The following IFNGR2 variants were observed in gnomAD, a reference collection of about 807,000 sequenced individuals.
The protein encoded by IFNGR2 is interferon gamma receptor 2.
Under a neutral mutation model 41.1 loss-of-function variants are expected in IFNGR2, and 15 were observed. The ratio of observed to expected loss-of-function variants is 0.37; its 90% CI spans 0.24 to 0.56. The LOEUF (loss-of-function observed/expected upper bound fraction) is 0.56. IFNGR2 is among the 20% of genes least tolerant of loss of function. IFNGR2 has a pLI of 0.81. For missense variants in IFNGR2, 362 were observed against 415.7 expected (o/e 0.87, Z 1.12); for synonymous variants, 161 against 171.6 (o/e 0.94, Z 0.48).
intron 1 of IFNGR2, among the ~76,000 whole-genome samples, chr21:33,411,260 A>C (rs1417955630): frequency 6.6e-6 from 1 of 152,212 alleles, no homozygotes; most frequent in Non-Finnish European, 1.5e-5. Flanking sequence ...ACCCCGACTT[A>C]TACAGTGATG....
Position 33,422,623 on chromosome 21 carries a change from TC to T in IFNGR2, c.412+941del, listed in dbSNP as rs1200384434. ...TGGGCGCGGTGGCTCACGCCTATAA[TC>T]CCAGCACTTTGGGAGGCCGAGGCAG... On this transcript the variant is annotated intron_variant, in intron 3 of 6. Coordinates refer to ENST00000290219, the MANE Select transcript of IFNGR2 (RefSeq NM_005534.4). Among the ~76,000 whole-genome samples, 4 of 152,020 alleles carry T rather than the reference TC, an allele frequency of 2.6e-5. No individual in the cohort carries two copies. The East Asian group carries it at 7.7e-4, about 29-fold the overall frequency.
intron 1 of IFNGR2, among the ~76,000 whole-genome samples, chr21:33,409,562 G>A (rs147960097): frequency 3.1e-4 from 47 of 152,268 alleles, no homozygotes; most frequent in African/African-American, 9.6e-4. Context: ...AGCGAGTGGT[G>A]GTGATTGGTC....
intron 6 of IFNGR2, among the ~76,000 whole-genome samples, chr21:33,433,779 C>A (rs923737023): frequency 1.6e-5 from 2 of 124,460 alleles, no homozygotes; most frequent in African/African-American, 7.4e-5. Context: ...GTGTATTTTA[C>A]CACAATTTAA....
In IFNGR2 at chr21:33,426,985, T is replaced by A. The variant is rs375419913; in HGVS notation, c.514T>A (p.Phe172Ile). ...TGACATCGCTGATACCTCCACGGCC[T>A]TTTTTTGTTATTATGTCCATTACTG... The part of the protein sequence containing the change: ...PFDIADTSTA[F>I]FCYYVHYWEK... Residue 172 changes from phenylalanine (F) to isoleucine (I), a missense_variant, in exon 4 of 7, where the codon TTT becomes ATT. Transcript: ENST00000290219. The A allele has an allele frequency of 5.0e-6, 8 of 1,611,080 alleles. No individual in the cohort carries two copies. Among genetic ancestry groups the A allele is most frequent in the Non-Finnish European group, 6.8e-6 (8 of 1,177,490 alleles).
Position 33,414,987 on chromosome 21 carries a change from C to G in IFNGR2, c.173C>G (p.Thr58Arg), listed in dbSNP as rs4986958. ...SWEPVALSNSTRPVVYQVQFK... is the reference protein window; with the variant it reads ...SWEPVALSNSRRPVVYQVQFK... The stretch of plus-strand genomic sequence containing the variant: ...GAGCCAGTGGCCCTGAGCAATAGCA[C>G]GAGGCCTGTTGTCTACCAAGTGCAG... Residue 58 changes from threonine (T) to arginine (R), a missense_variant, in exon 2 of 7, where the codon ACG becomes AGG. Physicochemically the swap from Thr to Arg is moderately conservative, Grantham distance 71 (BLOSUM62 -1). Coordinates refer to ENST00000290219, the MANE Select transcript of IFNGR2 (RefSeq NM_005534.4). 0.013 allele frequency: 21,082 copies of G among 1,614,056 alleles called. 912 individuals carry two copies. In the African/African-American group the frequency reaches 0.15, roughly 11 times the overall value.
At chr21:33,426,055 TG>T (rs1196918155) in intron 3 of IFNGR2, among the ~76,000 whole-genome samples, 1 of 152,254 alleles carries the variant, frequency 6.6e-6, no homozygotes, top group African/African-American at 2.4e-5. Flanking sequence ...AGTCCTAGCC[TG>T]ACCTGTGAAT....
intron 2 of IFNGR2, among the ~76,000 whole-genome samples, 185 bp downstream of exon 2, chr21:33,415,205 G>C (rs1182281875): frequency 2.0e-5 from 3 of 152,160 alleles, no homozygotes; most frequent in African/African-American, 7.2e-5. Flanking sequence ...TCATCTGAAG[G>C]CTTAAACTAC....
intron 1 of IFNGR2, chr21:33,411,332 C>T (rs765195459): frequency 2.2e-5 from 9 of 409,164 alleles, no homozygotes; most frequent in Non-Finnish European, 4.1e-5. Context: ...TCGCCACCCA[C>T]CCCGGAGCCC....
intron 4 of IFNGR2, among the ~76,000 whole-genome samples, chr21:33,429,420 C>G (rs1403517771): frequency 6.6e-6 from 1 of 152,110 alleles, no homozygotes; most frequent in Non-Finnish European, 1.5e-5. Flanking sequence ...CTCACGGGTT[C>G]AAGAGATTTT....
intron 1 of IFNGR2, among the ~76,000 whole-genome samples, chr21:33,410,193 G>GTC (rs1424053983): frequency 1.4e-5 from 2 of 147,004 alleles, no homozygotes; most frequent in South Asian, 4.3e-4. Context: ...TTGAGACAGA[G>GTC]TCTCTCTCTG....
chr21:33,437,024 A>G lies in IFNGR2; in HGVS notation c.*62A>G. On this transcript the variant is annotated 3_prime_UTR_variant, in exon 7 of 7. Transcript: ENST00000290219. ...GAGATCAAGCCATCGGAGCTGCTAG[A>G]GTTCTGTCTGGACTTTCCAGAGACC... The G allele has an allele frequency of 6.3e-7, 1 of 1,582,878 alleles. No individual in the cohort carries two copies. Among genetic ancestry groups the G allele is most frequent in the Non-Finnish European group, 8.7e-7 (1 of 1,153,284 alleles).
chr21:33,421,310 T>A (rs1326600395), intron 2 of IFNGR2, among the ~76,000 whole-genome samples, 170 bp from the exon 3 acceptor site: 2 of 109,902 alleles, frequency 1.8e-5, no homozygotes, highest in Admixed American at 2.8e-4. Flanking sequence ...CCAGCCTGGG[T>A]GACAGAGCAA....
rs2083681011 is a variant in IFNGR2, at chr21:33,406,846, A to G, written c.73+3230A>G. Among the ~76,000 whole-genome samples the G allele has an allele frequency of 1.3e-5, 2 of 151,748 alleles. 1 individual carries two copies. Among genetic ancestry groups the G allele is most frequent in the South Asian group, 4.2e-4 (2 of 4,804 alleles). On this transcript the variant is annotated intron_variant, in intron 1 of 6. Coordinates refer to ENST00000290219, the MANE Select transcript of IFNGR2 (RefSeq NM_005534.4). ...TATTTTTTTGTAGAGATGAGGTTTC[A>G]CCGTGTTTCCCAGGCTGGTTTTGAA...
Position 33,415,189 on chromosome 21 carries a change from T to A in IFNGR2, c.206+169T>A, listed in dbSNP as rs1048534105. Among the ~76,000 whole-genome samples the A allele has an allele frequency of 2.6e-5, 4 of 152,184 alleles. No homozygotes were observed. In the South Asian group the frequency reaches 8.3e-4, roughly 31 times the overall value. ...CTCTGAGGACAGAGGTTTCACAGCC[T>A]CCCACTCATCTGAAGGCTTAAACTA... is the stretch of plus-strand genomic sequence containing the variant. On this transcript the variant is annotated intron_variant, in intron 2 of 6. Transcript: ENST00000290219.
intron 1 of IFNGR2, chr21:33,410,973 C>T (rs1021894612): frequency 7.7e-6 from 8 of 1,033,732 alleles, no homozygotes; most frequent in South Asian, 5.4e-5. Flanking sequence ...CCTTCCAGCC[C>T]TGGTGTTTCC....
chr21:33,415,805 A>C (rs1252504369), intron 2 of IFNGR2, among the ~76,000 whole-genome samples: 1 of 152,162 alleles, frequency 6.6e-6, no homozygotes, highest in African/African-American at 2.4e-5. Context: ...AAGTCATGGA[A>C]ATGTCCATAG....
intron 2 of IFNGR2, among the ~76,000 whole-genome samples, chr21:33,416,862 T>A (rs1738536882): frequency 6.7e-6 from 1 of 149,018 alleles, no homozygotes; most frequent in Non-Finnish European, 1.5e-5. Context: ...TGTGGAAAAA[T>A]GACAGGCAAT....
rs116632667 is a variant in IFNGR2 at position 33,424,009 on chromosome 21, A to G, written c.412+2324A>G. On this transcript the variant is annotated intron_variant, in intron 3 of 6. Coordinates refer to ENST00000290219, the MANE Select transcript of IFNGR2 (RefSeq NM_005534.4). ...AAGTGGGAATTAGGAGTATGCAAACAAGTAATGATGGCTGGGCGCAGTGGC... is the reference window on the plus strand; with the variant it reads ...AAGTGGGAATTAGGAGTATGCAAACGAGTAATGATGGCTGGGCGCAGTGGC... 6.0e-3 allele frequency among the ~76,000 whole-genome samples: 907 copies of G among 152,136 alleles called. 5 individuals carry two copies. Among genetic ancestry groups the G allele is most frequent in the African/African-American group, 0.021 (864 of 41,496 alleles).
chr21:33,426,420 GAATA>G (rs896331407), intron 3 of IFNGR2, among the ~76,000 whole-genome samples: 81 of 149,226 alleles, frequency 5.4e-4, no homozygotes, highest in African/African-American at 1.7e-3. Flanking sequence ...TCTCAAAAAT[GAATA>G]AATAAATAAA....
Sources: gnomAD v4.1 joint callset for allele counts (sites outside exome capture counted in the v4.1 genomes callset) on GRCh38, gnomAD v4.1.1 for gene constraint, MANE v1.5 for transcripts, NCBI Gene and HGNC (gene_info 2026-07-23, HGNC 2026-07-21) for gene names.